The following HBEGF variants were observed in gnomAD, a reference collection of about 807,000 sequenced individuals.
HBEGF encodes the protein heparin binding EGF like growth factor.
HBEGF carries 8 observed loss-of-function variants against 19.5 expected under a neutral mutation model. That is an observed-to-expected ratio of 0.41 (90% CI 0.24 to 0.74). The LOEUF (loss-of-function observed/expected upper bound fraction) is 0.74. Ranked by LOEUF, HBEGF falls within the 30% of genes least tolerant of loss-of-function variation. The pLI is 0.32. For synonymous variants in HBEGF, 97 were observed against 108.9 expected (o/e 0.89, Z 0.68); for missense variants, 207 against 256.9 (o/e 0.81, Z 1.33).
chr5:140,346,059 C>G lies in HBEGF; in HGVS notation c.72G>C (p.Glu24Asp). The G allele has an allele frequency of 1.9e-6, 3 of 1,613,652 alleles. No homozygotes were observed. Among genetic ancestry groups the G allele is most frequent in the Non-Finnish European group, 2.5e-6 (3 of 1,179,832 alleles). ...AAVLSALVTGESLERLRRGLA... is the reference protein window; with the variant it reads ...AAVLSALVTGDSLERLRRGLA... ...GCCCTCTCCGAAGCCGCTCCAGGCT[C>G]TCGCCAGTCACCAGTGCCGAGAGAA... Residue 24 changes from glutamate to aspartate, a missense_variant, in exon 2 of 6, where the codon GAG becomes GAC. Physicochemically the swap from Glu to Asp is conservative, Grantham distance 45. This residue lies in a region of HBEGF where 127 missense variants were observed against 132.7 expected (regional missense o/e 0.96). Transcript: ENST00000230990. This position sits in a 1 kb window ranked among gnomAD's most constrained non-coding sequence, Gnocchi z 6.1.
intron 2 of HBEGF, among the ~76,000 whole-genome samples, chr5:140,345,251 G>A (rs1766377778): frequency 6.6e-6 from 1 of 152,216 alleles, no homozygotes; most frequent in South Asian, 2.1e-4. Context: ...AAAGAGGCTG[G>A]TTGGAGGATC....
chr5:140,342,553 C>T (rs899127625), intron 3 of HBEGF, 82 bp downstream of exon 3: 234 of 1,308,950 alleles, frequency 1.8e-4, no homozygotes, highest in African/African-American at 8.8e-5. Context: ...ATTATGAATT[C>T]AAGGAACAGT....
chr5:140,345,482 T>C (rs1766380849), intron 2 of HBEGF, among the ~76,000 whole-genome samples: 1 of 152,216 alleles, frequency 6.6e-6, no homozygotes. Flanking sequence ...CACTGCACAC[T>C]TTCTAGAGAT....
At chr5:140,344,701 G>A (rs575991346) in intron 2 of HBEGF, among the ~76,000 whole-genome samples, 6 of 152,082 alleles carry the variant, frequency 3.9e-5, no homozygotes, top group African/African-American at 1.4e-4. Context: ...GGTGGTCAGA[G>A]GAACCCAGTG....
intron 3 of HBEGF, among the ~76,000 whole-genome samples, chr5:140,341,687 G>A (rs1372352578): frequency 6.6e-6 from 1 of 152,238 alleles, no homozygotes; most frequent in African/African-American, 2.4e-5. Context: ...TGGAGGCAGT[G>A]TGCATACAAC....
In HBEGF at chr5:140,346,601, A is replaced by G; in HGVS notation, c.-273T>C. The G allele has an allele frequency of 4.1e-6, 2 of 484,368 alleles. No homozygotes were observed. The highest frequency in any genetic ancestry group is 7.3e-6 in the Non-Finnish European group (2 of 273,498). 30.0% of individuals were successfully genotyped at this position (484,368 alleles called of 1,614,324 possible). A position where few individuals can be genotyped will look rare whatever the true frequency, so the allele number is the denominator to read the frequency against. On this transcript the variant is annotated 5_prime_UTR_variant, in exon 1 of 6. Transcript: ENST00000230990. The surrounding 1 kb of genome is among the most constrained non-coding windows in gnomAD (Gnocchi z 6.1). ...GTGGCCCGCGTAGCTCCTTCGGCCGAATGAGCGCTGCCCGGCTCGCGGCCG... is the reference window on the plus strand; with the variant it reads ...GTGGCCCGCGTAGCTCCTTCGGCCGGATGAGCGCTGCCCGGCTCGCGGCCG...
intron 3 of HBEGF, among the ~76,000 whole-genome samples, chr5:140,337,493 G>A (rs979640764): frequency 9.9e-5 from 15 of 152,186 alleles, no homozygotes; most frequent in African/African-American, 3.1e-4. Context: ...TTTCTGAGCT[G>A]TGCTTTCTCT....
At chr5:140,337,366 GC>G (rs1007496100) in intron 3 of HBEGF, among the ~76,000 whole-genome samples, 1 of 152,172 alleles carries the variant, frequency 6.6e-6, no homozygotes, top group Non-Finnish European at 1.5e-5. Flanking sequence ...TCAGTGTGCT[GC>G]CCACTCACAC....
intron 4 of HBEGF, 136 bp from the exon 5 acceptor site, chr5:140,334,884 ACT>A: frequency 1.4e-6 from 1 of 724,606 alleles, no homozygotes; most frequent in Non-Finnish European, 2.5e-6. Flanking sequence ...GGCAGCCCAA[ACT>A]CTGGTCAAAG....
rs1766193075 is a variant in HBEGF at position 140,334,108 on chromosome 5, A to G, written c.*191T>C. 6.5e-6 allele frequency: 1 copy of G among 153,536 alleles called. No homozygotes were observed. The highest frequency in any genetic ancestry group is 1.5e-5 in the Non-Finnish European group (1 of 68,786). 9.5% of individuals were successfully genotyped at this position (153,536 alleles called of 1,614,324 possible). On this transcript the variant is annotated 3_prime_UTR_variant, in exon 6 of 6. Transcript: ENST00000230990. ...TCTTCTTACCCAGATACCATCGGACATACTCTGTTTGGCACTTGAAGGCTC... is the reference window on the plus strand; with the variant it reads ...TCTTCTTACCCAGATACCATCGGACGTACTCTGTTTGGCACTTGAAGGCTC...
rs572221967 is a variant in HBEGF, at chr5:140,346,432, G to C, written c.-104C>G. The C allele has an allele frequency of 6.1e-6, 8 of 1,303,426 alleles. No individual in the cohort carries two copies. The highest frequency in any genetic ancestry group is 8.6e-6 in the Non-Finnish European group (8 of 934,214). The allele number at this position is 1,303,426 out of a possible 1,614,324, so 80.7% of individuals were successfully genotyped here. On this transcript the variant is annotated 5_prime_UTR_variant, in exon 1 of 6. Coordinates refer to ENST00000230990, the MANE Select transcript of HBEGF (RefSeq NM_001945.3). This position sits in a 1 kb window ranked among gnomAD's most constrained non-coding sequence, Gnocchi z 6.1. ...GCGGCGGAGCTCAGGAGATTCCGCC[G>C]GGCACCGTCTGCCGCCCGCCTCTGC...
chr5:140,342,221 C>T (rs969183478), intron 3 of HBEGF, among the ~76,000 whole-genome samples: 1 of 152,170 alleles, frequency 6.6e-6, no homozygotes, highest in South Asian at 2.1e-4. Context: ...CATACCTATA[C>T]ATCATGCATC....
At chr5:140,337,247 C>T (rs1305746616) in intron 3 of HBEGF, among the ~76,000 whole-genome samples, 1 of 152,184 alleles carries the variant, frequency 6.6e-6, no homozygotes, top group Non-Finnish European at 1.5e-5. Flanking sequence ...TCCCAGAGAT[C>T]CTTTGATATA....
intron 3 of HBEGF, among the ~76,000 whole-genome samples, chr5:140,339,523 G>C (rs1766276077): frequency 6.6e-6 from 1 of 151,982 alleles, no homozygotes; most frequent in Non-Finnish European, 1.5e-5. Context: ...CTCTCTAGTA[G>C]CTGAGATTAC....
rs1263051465 is a variant in HBEGF at position 140,346,329 on chromosome 5, G to C, written c.-1C>G. 2 of 1,608,246 alleles carry C rather than the reference G, an allele frequency of 1.2e-6. No homozygotes were observed. The highest frequency in any genetic ancestry group is 3.4e-5 in the Admixed American group (2 of 59,630). Reference sequence around the variant, plus strand: ...GCACCACCGACGGCAGCAGCTTCATGGTCCCGCACCGAGAGGAGGCGGCGA... The same window carrying C: ...GCACCACCGACGGCAGCAGCTTCATCGTCCCGCACCGAGAGGAGGCGGCGA... On this transcript the variant is annotated 5_prime_UTR_variant, in exon 1 of 6. Transcript: ENST00000230990. This position sits in a 1 kb window ranked among gnomAD's most constrained non-coding sequence, Gnocchi z 6.1.
intron 3 of HBEGF, among the ~76,000 whole-genome samples, chr5:140,338,690 G>GCATC: frequency 6.6e-6 from 1 of 152,238 alleles, no homozygotes; most frequent in South Asian, 2.1e-4. Context: ...GAAGGAGGGG[G>GCATC]GATGAGTACA....
chr5:140,338,588 A>AC (rs1489709687), intron 3 of HBEGF, among the ~76,000 whole-genome samples: 1 of 151,592 alleles, frequency 6.6e-6, no homozygotes, highest in Non-Finnish European at 1.5e-5. Context: ...TAATCCCTCC[A>AC]CCCCCACCCT....
intron 2 of HBEGF, among the ~76,000 whole-genome samples, chr5:140,343,437 A>T (rs996758328): frequency 6.6e-6 from 1 of 152,196 alleles, no homozygotes. Flanking sequence ...TTGCTTTTTC[A>T]ACTTCAAGCA....
intron 5 of HBEGF, 49 bp downstream of exon 5, chr5:140,334,609 A>G (rs1766199615): frequency 7.7e-7 from 1 of 1,295,636 alleles, no homozygotes; most frequent in African/African-American, 1.5e-5. Flanking sequence ...CACAGCCAGG[A>G]AAGGGGACAA....
Sources: allele counts gnomAD v4.1 joint callset (sites outside exome capture counted in the v4.1 genomes callset), GRCh38; gene constraint gnomAD v4.1.1; regional missense constraint gnomAD v4.1.1; non-coding constraint Gnocchi (gnomAD v3.1); transcripts MANE v1.5; gene names NCBI Gene and HGNC (gene_info 2026-07-23, HGNC 2026-07-21).